Variants in HCN1 observed in about 807,000 individuals in gnomAD.
The protein encoded by HCN1 is hyperpolarization activated cyclic nucleotide gated potassium channel 1.
HCN1 carries 13 observed loss-of-function variants against 78.9 expected under a neutral mutation model. That is an observed-to-expected ratio of 0.16 (90% CI 0.11 to 0.26). The LOEUF (loss-of-function observed/expected upper bound fraction) is 0.26, where lower values mean the gene tolerates loss of function less well. HCN1 is among the 10% of genes least tolerant of loss of function. The pLI, the probability that HCN1 is intolerant of heterozygous loss-of-function variation, is 1.00. For missense variants in HCN1, 810 were observed against 1,154.3 expected (o/e 0.70, Z 4.32); for synonymous variants, 552 against 455.5 (o/e 1.21, Z -2.70).
At chr5:45,539,293 T>C (rs1164177302) in intron 2 of HCN1, among the ~76,000 whole-genome samples, 1 of 151,724 alleles carries the variant, frequency 6.6e-6, no homozygotes. Context: ...TTTACAAAAC[T>C]TTTTATTTTA....
At chr5:45,283,318 C>G (rs1236270207) in intron 6 of HCN1, among the ~76,000 whole-genome samples, 1 of 152,092 alleles carries the variant, frequency 6.6e-6, no homozygotes, top group Non-Finnish European at 1.5e-5. Context: ...TTAGGAGTTT[C>G]TGCACAGCAA....
chr5:45,635,613 A>G (rs937807170), intron 2 of HCN1, among the ~76,000 whole-genome samples: 1 of 152,136 alleles, frequency 6.6e-6, no homozygotes, highest in Admixed American at 6.6e-5. Flanking sequence ...TCTAAATGGC[A>G]GACTTAACTC....
intron 2 of HCN1, among the ~76,000 whole-genome samples, chr5:45,567,606 G>C (rs934703657): frequency 3.8e-5 from 4 of 104,124 alleles, no homozygotes; most frequent in Non-Finnish European, 8.2e-5. Context: ...CACACACACA[G>C]AGTTATATAC....
chr5:45,416,693 G>A (rs929819577), intron 3 of HCN1, among the ~76,000 whole-genome samples: 3 of 151,868 alleles, frequency 2.0e-5, no homozygotes, highest in Admixed American at 6.6e-5. Context: ...TATTAGAAAT[G>A]AAAGCAGAAC....
chr5:45,483,837 G>A (rs572574723), intron 2 of HCN1, among the ~76,000 whole-genome samples: 1 of 152,160 alleles, frequency 6.6e-6, no homozygotes, highest in South Asian at 2.1e-4. Flanking sequence ...TTCTGCATAT[G>A]GCTAGCCAGT....
In HCN1 at chr5:45,468,744, T is replaced by C. The variant is rs185240309; in HGVS notation, c.850-6737A>G. 3.7e-4 allele frequency among the ~76,000 whole-genome samples: 57 copies of C among 152,190 alleles called. 1 individual carries two copies. Among genetic ancestry groups the C allele is most frequent in the Admixed American group, 3.3e-3 (50 of 15,266 alleles). ...ACAAATGGGAAACTTAAGATATGAA[T>C]CCTTTGAACATTTTTGGTAGGAAAC... is the stretch of plus-strand genomic sequence containing the variant. On this transcript the variant is annotated intron_variant, in intron 2 of 7. Coordinates refer to ENST00000303230, the MANE Select transcript of HCN1 (RefSeq NM_021072.4).
At chr5:45,318,308 G>A (rs896085777) in intron 5 of HCN1, among the ~76,000 whole-genome samples, 9 of 151,876 alleles carry the variant, frequency 5.9e-5, no homozygotes, top group South Asian at 2.1e-4. Context: ...GAAAACTATC[G>A]CAAGGACAAA....
chr5:45,506,485 C>T (rs913183030), intron 2 of HCN1, among the ~76,000 whole-genome samples: 3 of 152,050 alleles, frequency 2.0e-5, no homozygotes, highest in Non-Finnish European at 4.4e-5. Flanking sequence ...CATGTCTGTA[C>T]CTCTGTTTTC....
At chr5:45,409,770 C>T (rs1381591489) in intron 3 of HCN1, among the ~76,000 whole-genome samples, 1 of 151,876 alleles carries the variant, frequency 6.6e-6, no homozygotes, top group Non-Finnish European at 1.5e-5. Context: ...TGTAAGGGAT[C>T]TGTATAACAA....
At chr5:45,527,585 A>G (rs1002173411) in intron 2 of HCN1, among the ~76,000 whole-genome samples, 15 of 135,714 alleles carry the variant, frequency 1.1e-4, no homozygotes, top group Non-Finnish European at 1.9e-4. Flanking sequence ...CTCTCCCATC[A>G]TTCTCATTCT....
intron 6 of HCN1, among the ~76,000 whole-genome samples, chr5:45,298,718 A>G (rs1245603766): frequency 6.6e-6 from 1 of 152,032 alleles, no homozygotes; most frequent in African/African-American, 2.4e-5. Context: ...TTTATGTCAT[A>G]CGTGGCCTTT....
intron 2 of HCN1, among the ~76,000 whole-genome samples, chr5:45,616,614 A>G (rs1744960532): frequency 6.6e-6 from 1 of 151,998 alleles, no homozygotes; most frequent in Non-Finnish European, 1.5e-5. Context: ...ACAAAATTTA[A>G]GTCTTTTGCA....
At chr5:45,372,257 ATT>A (rs374927340) in intron 4 of HCN1, among the ~76,000 whole-genome samples, 5 of 81,472 alleles carry the variant, frequency 6.1e-5, no homozygotes, top group Non-Finnish European at 8.4e-5. Flanking sequence ...TATAATATAT[ATT>A]TATATATATA....
chr5:45,307,672 G>C (rs1312347271), intron 5 of HCN1, among the ~76,000 whole-genome samples: 1 of 152,080 alleles, frequency 6.6e-6, no homozygotes, highest in East Asian at 1.9e-4. Context: ...AGGAAATTTG[G>C]AAGAAACTGT....
intron 6 of HCN1, among the ~76,000 whole-genome samples, chr5:45,283,339 C>A: frequency 6.6e-6 from 1 of 152,072 alleles, no homozygotes; most frequent in East Asian, 1.9e-4. Context: ...AATAAACTAT[C>A]AACAGAGTAA....
At chr5:45,438,303 T>G (rs900440361) in intron 3 of HCN1, among the ~76,000 whole-genome samples, 2 of 151,916 alleles carry the variant, frequency 1.3e-5, no homozygotes, top group South Asian at 4.1e-4. Flanking sequence ...ATGGCTAAGA[T>G]GTTAAAGAGC....
At chr5:45,302,223 GC>G (rs1440812548) in intron 6 of HCN1, among the ~76,000 whole-genome samples, 1 of 152,018 alleles carries the variant, frequency 6.6e-6, no homozygotes. Flanking sequence ...GGTAATGGGT[GC>G]CCCCATGTTG....
chr5:45,374,062 T>TAATATATATTATATATATTATATAC (rs1747521550), intron 4 of HCN1, among the ~76,000 whole-genome samples: 2 of 84,802 alleles, frequency 2.4e-5, no homozygotes, highest in African/African-American at 9.6e-5. Context: ...ATATTATATA[T>TAATATATATTATATATATTATATAC]ATAATATATA....
intron 2 of HCN1, among the ~76,000 whole-genome samples, chr5:45,609,288 A>G (rs1579997267): frequency 6.6e-6 from 1 of 152,264 alleles, no homozygotes; most frequent in African/African-American, 2.4e-5. Context: ...TTGCACAACA[A>G]CGACAGCAAA....
Sources: allele counts gnomAD v4.1 joint callset (sites outside exome capture counted in the v4.1 genomes callset), GRCh38; gene constraint gnomAD v4.1.1; transcripts MANE v1.5; gene names NCBI Gene and HGNC (gene_info 2026-07-23, HGNC 2026-07-21).